SLC6A4: variants seen among roughly 807,000 people sequenced by gnomAD.
SLC6A4 encodes the protein sodium-dependent serotonin transporter.
SLC6A4 carries 22 observed loss-of-function variants against 73.4 expected under a neutral mutation model. That is an observed-to-expected ratio of 0.30 (90% CI 0.21 to 0.43). SLC6A4 has a LOEUF of 0.43. Ranked by LOEUF, SLC6A4 falls within the 20% of genes least tolerant of loss-of-function variation. The pLI is 1.00. For missense variants in SLC6A4, 593 were observed against 808.5 expected (o/e 0.73, Z 3.23); for synonymous variants, 270 against 315.5 (o/e 0.86, Z 1.53).
intron 1 of SLC6A4, among the ~76,000 whole-genome samples, chr17:30,234,936 C>CT (rs911169420): frequency 2.6e-5 from 4 of 152,126 alleles, no homozygotes; most frequent in African/African-American, 4.8e-5. Context: ...CTCCAGAGAG[C>CT]TTTTTTTCAA....
chr17:30,234,564 C>T (rs933860631), intron 1 of SLC6A4, among the ~76,000 whole-genome samples: 2 of 152,182 alleles, frequency 1.3e-5, no homozygotes, highest in African/African-American at 4.8e-5. Flanking sequence ...CCCTACGCTC[C>T]TAAAAACCCA....
intron 12 of SLC6A4, among the ~76,000 whole-genome samples, chr17:30,208,271 G>T (rs1420118835): frequency 6.6e-6 from 1 of 152,116 alleles, no homozygotes; most frequent in Non-Finnish European, 1.5e-5. Flanking sequence ...TTTTGTCCAG[G>T]AATGGTGAAC....
At chr17:30,224,652 G>C (rs1410578161) in intron 1 of SLC6A4, among the ~76,000 whole-genome samples, 1 of 152,210 alleles carries the variant, frequency 6.6e-6, no homozygotes, top group Non-Finnish European at 1.5e-5. Flanking sequence ...TCTACGGAAG[G>C]GAAATGCGGT....
At chr17:30,210,277 T>C (rs1257870367) in intron 11 of SLC6A4, among the ~76,000 whole-genome samples, 1 of 152,186 alleles carries the variant, frequency 6.6e-6, no homozygotes, top group Non-Finnish European at 1.5e-5. Context: ...TGAAATCTAG[T>C]GGGATCTGCG....
Position 30,218,980 on chromosome 17 carries a change from G to C in SLC6A4, c.344-49C>G, listed in dbSNP as rs201052074. ...CACTCCCTGCCCACGTCTGTCCCAG[G>C]ATAGCCCAACCAATCTGTGACTGAG... is the stretch of plus-strand genomic sequence containing the variant. On this transcript the variant is annotated intron_variant, in intron 3 of 14. Coordinates refer to ENST00000650711, the MANE Select transcript of SLC6A4 (RefSeq NM_001045.6). 42 of 1,609,316 alleles carry C rather than the reference G, an allele frequency of 2.6e-5. 1 individual carries two copies. The South Asian group carries it at 4.5e-4, about 17-fold the overall frequency.
chr17:30,224,097 G>A (rs1379123745), intron 1 of SLC6A4, among the ~76,000 whole-genome samples: 6 of 152,158 alleles, frequency 3.9e-5, no homozygotes, highest in African/African-American at 7.2e-5. Context: ...TGTTTTGTAC[G>A]TTAAACAACT....
rs1258589949 is a variant in SLC6A4, at chr17:30,222,926, G to A, written c.-220-11C>T. 2.1e-6 allele frequency: 2 copies of A among 960,758 alleles called. No homozygotes were observed. The highest frequency in any genetic ancestry group is 2.9e-6 in the Non-Finnish European group (2 of 678,630). 59.5% of individuals were successfully genotyped at this position (960,758 alleles called of 1,614,324 possible). On this transcript the variant is annotated splice_polypyrimidine_tract_variant and intron_variant, in intron 1 of 14. Transcript: ENST00000650711. Reference sequence around the variant, plus strand: ...TTGCCTCCAGGAGACCTAGGGAGAAGAGTGTGCAGGTTACTGATGCTGGGG... The same window carrying A: ...TTGCCTCCAGGAGACCTAGGGAGAAAAGTGTGCAGGTTACTGATGCTGGGG...
intron 8 of SLC6A4, among the ~76,000 whole-genome samples, chr17:30,213,716 T>C (rs1339233508): frequency 6.7e-6 from 1 of 149,230 alleles, no homozygotes; most frequent in Non-Finnish European, 1.5e-5. Context: ...TAAAATTAAG[T>C]CTAAAGATGA....
intron 12 of SLC6A4, 60 bp downstream of exon 12, chr17:30,209,083 T>G (rs1193576911): frequency 8.4e-7 from 1 of 1,193,620 alleles, no homozygotes; most frequent in Non-Finnish European, 1.2e-6. Context: ...AATCAGCCCT[T>G]TGCTACTGTG....
intron 2 of SLC6A4, among the ~76,000 whole-genome samples, chr17:30,222,508 C>T (rs56212628): frequency 1.4e-4 from 22 of 152,328 alleles, no homozygotes; most frequent in African/African-American, 4.8e-4. Context: ...CAAGCAAAGG[C>T]GTTTCTGCCT....
At position 30,231,254 on chromosome 17, in the gene SLC6A4, C is replaced by T. The variant is rs1018878959; in HGVS notation, c.-221+4359G>A. ...GGAAGTCTGCAAACTCTCAAAGGTT[C>T]AACTATATATATTAGTTGAACCTAT... is the stretch of plus-strand genomic sequence containing the variant. On this transcript the variant is annotated intron_variant, in intron 1 of 14. Coordinates refer to ENST00000650711, the MANE Select transcript of SLC6A4 (RefSeq NM_001045.6). Among the ~76,000 whole-genome samples, 6 of 151,498 alleles carry T rather than the reference C, an allele frequency of 4.0e-5. No homozygotes were observed. The South Asian group carries it at 1.2e-3, about 31-fold the overall frequency.
chr17:30,198,489 A>T lies in SLC6A4; in HGVS notation c.1860T>A (p.Ile620=), dbSNP rs1017019923. ...KSITPETPTE[I]PCGDIRLNAV ...CATTCAAGCGGATGTCCCCACAAGG[A>T]ATTTCTGTTGGTGTTTCTGGGGTAA... Residue 620 remains isoleucine, a synonymous_variant, in exon 15 of 15, where the codon ATT becomes ATA. Transcript: ENST00000650711. The T allele has an allele frequency of 6.2e-7, 1 of 1,607,352 alleles. No homozygotes were observed. Among genetic ancestry groups the T allele is most frequent in the Non-Finnish European group, 8.5e-7 (1 of 1,174,102 alleles).
Position 30,207,822 on chromosome 17 carries a change from C to G in SLC6A4, c.1560G>C (p.Gln520His). 1 of 1,613,810 alleles carries G rather than the reference C, an allele frequency of 6.2e-7. No individual in the cohort carries two copies. Among genetic ancestry groups the G allele is most frequent in the Non-Finnish European group, 8.5e-7 (1 of 1,179,794 alleles). ...VAVSWFYGITQFCRDVKEMLG... is the reference protein window; with the variant it reads ...VAVSWFYGITHFCRDVKEMLG... Reference sequence around the variant, plus strand: ...GCATTTCCTTCACGTCCCTGCAGAACTGAGTGATGCCTGGAACCGCCCAAG... The same window carrying G: ...GCATTTCCTTCACGTCCCTGCAGAAGTGAGTGATGCCTGGAACCGCCCAAG... The change falls in exon 13 of 15, where the codon CAG becomes CAC. Residue 520 changes from glutamine (Q) to histidine (H), a missense_variant. Transcript: ENST00000650711.
chr17:30,226,864 C>T, intron 1 of SLC6A4, among the ~76,000 whole-genome samples: 1 of 33,918 alleles, frequency 2.9e-5, no homozygotes, highest in African/African-American at 7.5e-4. Flanking sequence ...TAGAGTGAGA[C>T]TCTGTCTCAA....
At chr17:30,207,887 C>G in intron 12 of SLC6A4, 55 bp from the exon 13 acceptor site, 10 of 1,262,970 alleles carry the variant, frequency 7.9e-6, no homozygotes, top group Non-Finnish European at 1.1e-5. Flanking sequence ...ATGGGCTGTG[C>G]TGCTGTGCCC....
intron 1 of SLC6A4, among the ~76,000 whole-genome samples, chr17:30,225,580 C>G (rs536319743): frequency 6.6e-6 from 1 of 152,186 alleles, no homozygotes; most frequent in Non-Finnish European, 1.5e-5. Context: ...AATATTACAG[C>G]TGTGACCTTC....
rs1378968993 is a variant in SLC6A4, at chr17:30,194,680, A to G, written c.*3776T>C. 1 of 152,236 alleles carries G rather than the reference A, an allele frequency of 6.6e-6. No homozygotes were observed. The highest frequency in any genetic ancestry group is 1.5e-5 in the Non-Finnish European group (1 of 68,048). The allele number at this position is 152,236 out of a possible 1,614,324, so 9.4% of individuals were successfully genotyped here. ...TAATCTTTCAAAATGCCATTTAAAA[A>G]ATTAGTAAATGCTCATATTTGTTTA... On this transcript the variant is annotated 3_prime_UTR_variant, in exon 15 of 15. Coordinates refer to ENST00000650711, the MANE Select transcript of SLC6A4 (RefSeq NM_001045.6).
intron 13 of SLC6A4, chr17:30,204,653 T>A (rs1277558861): frequency 1.3e-5 from 2 of 152,220 alleles, no homozygotes; most frequent in East Asian, 3.8e-4. Context: ...TTCTTTTTTT[T>A]AACTTGGCTG....
intron 1 of SLC6A4, among the ~76,000 whole-genome samples, chr17:30,223,133 T>A (rs1165416363): frequency 6.6e-6 from 1 of 152,220 alleles, no homozygotes; most frequent in Non-Finnish European, 1.5e-5. Flanking sequence ...TGGCCTGTTA[T>A]AAAGTTGTAA....
Sources: allele counts gnomAD v4.1 joint callset (sites outside exome capture counted in the v4.1 genomes callset), GRCh38; gene constraint gnomAD v4.1.1; transcripts MANE v1.5; gene names NCBI Gene and HGNC (gene_info 2026-07-23, HGNC 2026-07-21).